USP54: variants seen among roughly 807,000 people sequenced by gnomAD.
USP54 encodes ubiquitin specific peptidase 54.
Under a neutral mutation model 170.5 loss-of-function variants are expected in USP54, and 87 were observed. That is an observed-to-expected ratio of 0.51 (90% CI 0.43 to 0.61). The LOEUF is 0.61. Ranked by LOEUF, USP54 falls within the 20% of genes least tolerant of loss-of-function variation. The probability of loss-of-function intolerance (pLI) is 0.00; values close to 1 mark genes in which losing one functional copy is unlikely to be tolerated. For missense variants in USP54, 1,786 were observed against 2,047.8 expected (o/e 0.87, Z 2.47); for synonymous variants, 655 against 742.8 (o/e 0.88, Z 1.92).
chr10:73,593,964 A>C (rs571928408), upstream of USP54, among the ~76,000 whole-genome samples: 438 of 152,314 alleles, frequency 2.9e-3, 3 homozygotes, highest in African/African-American at 9.9e-3. Context: ...CCCCAAAGTC[A>C]AACCATCATT....
chr10:73,517,128 G>A lies in USP54; in HGVS notation c.3298C>T (p.Gln1100Ter). ...AAAGTCAATGAAGTTTTGAGGCTTT[G>A]GCCTTGGAGGCATTGGTTAGTTTTC... ...VQKTNQCLQG[Q>*]SLKTSLTLKV... is the part of the protein sequence containing the mutation. Residue 1100 changes from glutamine to a stop codon, truncating the protein, a stop_gained, in exon 20 of 24, where the codon CAA becomes TAA. Transcript: ENST00000687698. LOFTEE classifies it high-confidence loss of function. 6.2e-7 allele frequency: 1 copy of A among 1,614,208 alleles called. No homozygotes were observed. The highest frequency in any genetic ancestry group is 8.5e-7 in the Non-Finnish European group (1 of 1,180,042).
In USP54 at chr10:73,529,853, A is replaced by G; in HGVS notation, c.1887T>C (p.Gly629=). 1 of 1,573,658 alleles carries G rather than the reference A, an allele frequency of 6.4e-7. No individual in the cohort carries two copies. The highest frequency in any genetic ancestry group is 8.6e-7 in the Non-Finnish European group (1 of 1,161,648). The change falls in exon 15 of 24, where the codon GGT becomes GGC. Residue 629 remains glycine, a synonymous_variant. Coordinates refer to ENST00000687698, the MANE Select transcript of USP54 (RefSeq NM_001391956.1). ...SKPPSYDIKF[G]GPSPQYKRWG... ...AGCGCTTGTACTGGGGGCTTGGTCCACCAAATTTAATGTCGTAAGAAGGTG... is the reference window on the plus strand; with the variant it reads ...AGCGCTTGTACTGGGGGCTTGGTCCGCCAAATTTAATGTCGTAAGAAGGTG...
intron 20 of USP54, among the ~76,000 whole-genome samples, chr10:73,510,654 G>A (rs2133231406): frequency 6.6e-6 from 1 of 151,854 alleles, no homozygotes; most frequent in Non-Finnish European, 1.5e-5. Context: ...TCACCATGTT[G>A]GCCAGGCTGG....
At chr10:73,567,647 G>A (rs187674831) in intron 4 of USP54, among the ~76,000 whole-genome samples, 1 of 152,300 alleles carries the variant, frequency 6.6e-6, no homozygotes, top group East Asian at 1.9e-4. Flanking sequence ...ACTCCAGTCT[G>A]TGCAACAAGA....
chr10:73,579,469 T>C (rs2076580352), intron 1 of USP54, among the ~76,000 whole-genome samples: 1 of 152,028 alleles, frequency 6.6e-6, no homozygotes, highest in Non-Finnish European at 1.5e-5. Flanking sequence ...AACTATCCAA[T>C]TTTGGCCAGG....
chr10:73,505,323 T>C lies in USP54; in HGVS notation c.4155A>G (p.Thr1385=), dbSNP rs1294361273. Residue 1385 remains threonine (T), a synonymous_variant, in exon 21 of 24, where the codon ACA becomes ACG. Transcript: ENST00000687698. ...AGGCTGCTACCTGAGAAGTACGCAC[T>C]GTTCTGGCTTCATGGAGACCATGCT... ...EMEHGLHEAR[T]VRTSQATPCR... is the part of the protein sequence containing the mutation. 1.2e-6 allele frequency: 2 copies of C among 1,614,018 alleles called. No homozygotes were observed. The highest frequency in any genetic ancestry group is 4.5e-5 in the East Asian group (2 of 44,872).
In USP54 at chr10:73,498,593, G is replaced by T; in HGVS notation, c.*36C>A. The T allele has an allele frequency of 6.6e-7, 1 of 1,504,438 alleles. No homozygotes were observed. The highest frequency in any genetic ancestry group is 8.9e-7 in the Non-Finnish European group (1 of 1,125,420). 93.2% of individuals were successfully genotyped at this position (1,504,438 alleles called of 1,614,324 possible). A position where few individuals can be genotyped will look rare whatever the true frequency, so the allele number is the denominator to read the frequency against. ...CCGGCCCACAGTACAGTTTTACAAAGAAAGGTGTAGCTCCAGGAAAGGAAA... is the reference window on the plus strand; with the variant it reads ...CCGGCCCACAGTACAGTTTTACAAATAAAGGTGTAGCTCCAGGAAAGGAAA... On this transcript the variant is annotated 3_prime_UTR_variant, in exon 24 of 24. Transcript: ENST00000687698.
At chr10:73,552,995 A>G (rs534860171) in intron 4 of USP54, among the ~76,000 whole-genome samples, 1 of 152,266 alleles carries the variant, frequency 6.6e-6, no homozygotes, top group Admixed American at 6.5e-5. Context: ...TCAGTCTCTG[A>G]GATCTGAGTA....
At chr10:73,536,203 A>G (rs1564738689) in intron 11 of USP54, 66 bp downstream of exon 11, 2 of 1,577,004 alleles carry the variant, frequency 1.3e-6, no homozygotes, top group East Asian at 4.6e-5. Flanking sequence ...ATAATTAACT[A>G]TGAGTCCCAA....
intron 4 of USP54, among the ~76,000 whole-genome samples, chr10:73,553,063 A>G (rs2069955607): frequency 1.3e-5 from 2 of 152,026 alleles, no homozygotes; most frequent in South Asian, 4.2e-4. Context: ...AAGGAGGCAT[A>G]TTTCCCATGA....
At chr10:73,624,389 G>C (rs767621147) in intron 1 of USP54, 13 of 71,780 alleles carry the variant, frequency 1.8e-4, no homozygotes, top group East Asian at 1.4e-3. Flanking sequence ...TAGTAGAGAC[G>C]GGGGGGGGGG....
Position 73,519,947 on chromosome 10 carries a change from C to T in USP54, c.2528G>A (p.Ser843Asn), listed in dbSNP as rs1304286189. Residue 843 changes from serine (S) to asparagine (N), a missense_variant, in exon 19 of 24, where the codon AGC becomes AAC. Around this residue, in one of 3 missense-constraint regions of USP54, gnomAD observed 1,418 missense variants for 1,569.0 expected, o/e 0.90. Coordinates refer to ENST00000687698, the MANE Select transcript of USP54 (RefSeq NM_001391956.1). ...CAACTTCTTATCGACTAGGGCTCTG[C>T]TGTGCGTGCTACAGCTGGCACCATG... ...ALHGASCSTH[S>N]RALVDKKLQI... The T allele has an allele frequency of 1.2e-6, 2 of 1,613,220 alleles. No individual in the cohort carries two copies. Among genetic ancestry groups the T allele is most frequent in the Non-Finnish European group, 1.7e-6 (2 of 1,179,608 alleles).
Position 73,517,760 on chromosome 10 carries a change from G to C in USP54, c.2679-13C>G. The C allele has an allele frequency of 6.2e-7, 1 of 1,600,730 alleles. No homozygotes were observed. Among genetic ancestry groups the C allele is most frequent in the Non-Finnish European group, 8.5e-7 (1 of 1,172,982 alleles). On this transcript the variant is annotated splice_polypyrimidine_tract_variant and intron_variant, in intron 19 of 23. Transcript: ENST00000687698. The stretch of plus-strand genomic sequence containing the variant: ...GATAGGCTGTTCACTGAAACAAATG[G>C]AGAGAGCTAGTCATAAGCTGCCTTG...
rs754003593 is a variant in USP54 at position 73,523,778 on chromosome 10, C to T, written c.2195-28G>A. The T allele has an allele frequency of 2.3e-5, 37 of 1,585,620 alleles. No homozygotes were observed. In the Admixed American group the frequency reaches 5.7e-4, roughly 24 times the overall value. On this transcript the variant is annotated intron_variant, in intron 16 of 23. Coordinates refer to ENST00000687698, the MANE Select transcript of USP54 (RefSeq NM_001391956.1). Reference sequence around the variant, plus strand: ...GTAATATAAGCAAGGGAGAAGTCACCACATTTCCATTACCAAGACTAAGTA... The same window carrying T: ...GTAATATAAGCAAGGGAGAAGTCACTACATTTCCATTACCAAGACTAAGTA...
chr10:73,569,144 G>C (rs1339851433), intron 4 of USP54, among the ~76,000 whole-genome samples: 1 of 152,108 alleles, frequency 6.6e-6, no homozygotes, highest in Non-Finnish European at 1.5e-5. Context: ...TCTCCAGGAT[G>C]CACATTTCCC....
intron 1 of USP54, among the ~76,000 whole-genome samples, chr10:73,578,062 A>G (rs2076354763): frequency 6.6e-6 from 1 of 152,208 alleles, no homozygotes; most frequent in Non-Finnish European, 1.5e-5. Flanking sequence ...AGCCTGCCCT[A>G]TGACACACAC....
At chr10:73,564,015 A>C (rs910305737) in intron 4 of USP54, among the ~76,000 whole-genome samples, 75 of 151,600 alleles carry the variant, frequency 4.9e-4, no homozygotes, top group Non-Finnish European at 7.8e-4. Context: ...CAAAAAAAAA[A>C]CACTGAGACA....
chr10:73,572,925 A>G (rs2075452997), intron 3 of USP54, among the ~76,000 whole-genome samples: 1 of 152,222 alleles, frequency 6.6e-6, no homozygotes, highest in African/African-American at 2.4e-5. Context: ...ACACATTTAT[A>G]TCAATGCCTT....
At position 73,619,272 on chromosome 10, in the gene USP54, G is replaced by C. The variant is rs928148653; in HGVS notation, c.-18+6295C>G. ...AGACAGAGTGTCTGTTAGTTACTCA[G>C]CCTGGAGCGCAGTAGTGGAATCATG... On this transcript the variant is annotated intron_variant, in intron 1 of 22. Coordinates refer to the USP54 transcript ENST00000339859. 4.0e-5 allele frequency among the ~76,000 whole-genome samples: 6 copies of C among 150,094 alleles called. 1 individual carries two copies. The highest frequency in any genetic ancestry group is 1.5e-4 in the African/African-American group (6 of 39,576).
Sources: gnomAD v4.1 joint callset for allele counts (sites outside exome capture counted in the v4.1 genomes callset) on GRCh38, gnomAD v4.1.1 for gene constraint, gnomAD v4.1.1 regional missense constraint, MANE v1.5 for transcripts, NCBI Gene and HGNC (gene_info 2026-07-23, HGNC 2026-07-21) for gene names.